The following OSBP2 variants were observed in gnomAD, a reference collection of about 807,000 sequenced individuals.
OSBP2 encodes oxysterol binding protein 2, also known as oxysterol-binding protein 2.
A neutral mutation model predicts 96.0 loss-of-function variants in OSBP2; 66 were observed. That is an observed-to-expected ratio of 0.69 (90% CI 0.56 to 0.84). OSBP2 has a LOEUF of 0.84. Ranked by LOEUF, OSBP2 falls within the 40% of genes least tolerant of loss-of-function variation. OSBP2 has a pLI of 0.00. For synonymous variants in OSBP2, 525 were observed against 520.9 expected (o/e 1.01, Z -0.11); for missense variants, 1,038 against 1,222.7 (o/e 0.85, Z 2.25).
At chr22:30,878,868 GGGGGACACTCCACTT>G (rs1482944661) in intron 3 of OSBP2, among the ~76,000 whole-genome samples, 1 of 152,092 alleles carries the variant, frequency 6.6e-6, no homozygotes, top group East Asian at 1.9e-4. Context: ...GAGTCGGCTC[GGGGGACACTCCACTT>G]GGGGACACTC....
In OSBP2 at chr22:30,906,662, C is replaced by T. The variant is rs982598064; in HGVS notation, c.*323C>T. 3.9e-6 allele frequency: 1 copy of T among 256,060 alleles called. No individual in the cohort carries two copies. The highest frequency in any genetic ancestry group is 7.2e-5 in the East Asian group (1 of 13,890). 15.9% of individuals were successfully genotyped at this position (256,060 alleles called of 1,614,324 possible). On this transcript the variant is annotated 3_prime_UTR_variant, in exon 14 of 14. Coordinates refer to ENST00000332585, the MANE Select transcript of OSBP2 (RefSeq NM_030758.4). ...GCCATGGGCTGCGCAAATCACCAGCCCCCAACCCAGGGAGGAACTGGCCCC... is the reference window on the plus strand; with the variant it reads ...GCCATGGGCTGCGCAAATCACCAGCTCCCAACCCAGGGAGGAACTGGCCCC...
chr22:30,702,242 G>A (rs1280118550), intron 1 of OSBP2, among the ~76,000 whole-genome samples: 2 of 152,200 alleles, frequency 1.3e-5, no homozygotes, highest in Non-Finnish European at 2.9e-5. Context: ...GTCCTGGACA[G>A]TGCATCCCTG....
At position 30,870,783 on chromosome 22, in the gene OSBP2, T is replaced by C. The variant is rs920900783; in HGVS notation, c.1107+101T>C. On this transcript the variant is annotated intron_variant, in intron 3 of 13. Transcript: ENST00000332585. This position sits in a 1 kb window ranked among gnomAD's most constrained non-coding sequence, Gnocchi z 4.1. ...GTCAGCTTGAAGGGTCAGCGTTCCA[T>C]TTCCTGCGGTTCCACGGTGTTTCCC... The C allele has an allele frequency of 8.0e-7, 1 of 1,252,994 alleles. No homozygotes were observed. The highest frequency in any genetic ancestry group is 1.1e-6 in the Non-Finnish European group (1 of 899,184). 77.6% of individuals were successfully genotyped at this position (1,252,994 alleles called of 1,614,324 possible).
At chr22:30,846,450 C>G (rs1419997093) in intron 2 of OSBP2, among the ~76,000 whole-genome samples, 4 of 152,110 alleles carry the variant, frequency 2.6e-5, no homozygotes, top group Non-Finnish European at 5.9e-5. Context: ...CGCACCCAGC[C>G]TGATTGTACT....
chr22:30,740,390 G>T (rs1195391246), intron 1 of OSBP2, among the ~76,000 whole-genome samples: 1 of 152,154 alleles, frequency 6.6e-6, no homozygotes, highest in African/African-American at 2.4e-5. Context: ...TTTAGGGAGG[G>T]TCAGAATCTT....
At chr22:30,894,348 G>C (rs992010780) in intron 12 of OSBP2, 1 of 226,974 alleles carries the variant, frequency 4.4e-6, no homozygotes, top group Non-Finnish European at 8.7e-6. Flanking sequence ...ATTCGACAAA[G>C]GGAAAAAAAA....
chr22:30,886,912 T>C (rs2039822170), intron 3 of OSBP2, among the ~76,000 whole-genome samples: 1 of 152,190 alleles, frequency 6.6e-6, no homozygotes, highest in Non-Finnish European at 1.5e-5. Flanking sequence ...AAGGCGAGTC[T>C]GCTGTGCAAA....
rs2091067996 is a variant in OSBP2, at chr22:30,815,220, T to C, written c.854-55209T>C. Among the ~76,000 whole-genome samples, 2 of 152,218 alleles carry C rather than the reference T, an allele frequency of 1.3e-5. 1 individual carries two copies. The highest frequency in any genetic ancestry group is 4.1e-4 in the South Asian group (2 of 4,836). ...ACGGCTTGAGCCCAGGAGGCAGATA[T>C]TGCAGTGAGCTATGATCATGCCGCT... On this transcript the variant is annotated intron_variant, in intron 2 of 13. Transcript: ENST00000332585.
chr22:30,707,186 T>C (rs1286620405), intron 1 of OSBP2, among the ~76,000 whole-genome samples: 1 of 151,928 alleles, frequency 6.6e-6, no homozygotes, highest in Non-Finnish European at 1.5e-5. Context: ...AACCTCCGCC[T>C]CCCGTGTTCA....
intron 2 of OSBP2, among the ~76,000 whole-genome samples, chr22:30,808,680 C>T (rs1331886626): frequency 6.6e-6 from 1 of 152,076 alleles, no homozygotes; most frequent in Non-Finnish European, 1.5e-5. Flanking sequence ...TTATGCCGGG[C>T]GTGGTGGCTG....
In OSBP2 at chr22:30,906,592, C is replaced by T. The variant is rs1003599572; in HGVS notation, c.*253C>T. ...CCTTCATTATGGACCTGGGCCCTAC[C>T]GGAACCCCTGCCCCAGTTACCACAA... On this transcript the variant is annotated 3_prime_UTR_variant, in exon 14 of 14. Coordinates refer to ENST00000332585, the MANE Select transcript of OSBP2 (RefSeq NM_030758.4). The T allele has an allele frequency of 3.8e-5, 14 of 369,324 alleles. No homozygotes were observed. Among genetic ancestry groups the T allele is most frequent in the Non-Finnish European group, 6.2e-5 (13 of 208,966 alleles). 22.9% of individuals were successfully genotyped at this position (369,324 alleles called of 1,614,324 possible).
chr22:30,760,541 G>A (rs1236868623), intron 2 of OSBP2, among the ~76,000 whole-genome samples: 1 of 152,034 alleles, frequency 6.6e-6, no homozygotes, highest in African/African-American at 2.4e-5. Flanking sequence ...TGGGGCTGGG[G>A]GCAGTGGCTC....
intron 3 of OSBP2, among the ~76,000 whole-genome samples, chr22:30,876,370 T>A (rs2039578372): frequency 6.6e-6 from 1 of 152,206 alleles, no homozygotes; most frequent in African/African-American, 2.4e-5. Context: ...ACTTGGTCAT[T>A]GGGCAAGGCT....
intron 2 of OSBP2, among the ~76,000 whole-genome samples, chr22:30,776,017 AACTCC>A (rs1462511817): frequency 6.6e-6 from 1 of 151,604 alleles, no homozygotes; most frequent in Non-Finnish European, 1.5e-5. Context: ...GCTGGTCTTG[AACTCC>A]TGGCCTCTAG....
intron 1 of OSBP2, 100 bp from the exon 2 acceptor site, chr22:30,741,061 C>G: frequency 1.1e-6 from 1 of 935,106 alleles, no homozygotes; most frequent in Non-Finnish European, 1.6e-6. Context: ...TCTCCCAGCT[C>G]TGAGGGTCTG....
In OSBP2 at chr22:30,832,626, G is replaced by A. The variant is rs2038549128; in HGVS notation, c.854-37803G>A. Among the ~76,000 whole-genome samples the A allele has an allele frequency of 2.6e-5, 4 of 152,128 alleles. No homozygotes were observed. In the South Asian group the frequency reaches 8.3e-4, roughly 32 times the overall value. On this transcript the variant is annotated intron_variant, in intron 2 of 13. Transcript: ENST00000332585. ...TGGCTGCAGATAGCCGCTCACAGTT[G>A]GAATCATTGTTTGGACTCATTCTTA...
chr22:30,698,275 G>A (rs1358344402), intron 1 of OSBP2, among the ~76,000 whole-genome samples: 6 of 152,034 alleles, frequency 3.9e-5, no homozygotes, highest in Non-Finnish European at 7.4e-5. Flanking sequence ...CTTGTGAGTT[G>A]GAAATAAAGT....
intron 2 of OSBP2, chr22:30,822,502 G>T (rs1286811618): frequency 4.4e-6 from 5 of 1,132,852 alleles, no homozygotes; most frequent in African/African-American, 2.0e-5. Flanking sequence ...TGGTAACGCG[G>T]CGCCGGGACC....
In OSBP2 at chr22:30,791,388, G is replaced by A. The variant is rs1477749040; in HGVS notation, c.853+50019G>A. ...GTCATCCAGGCTGGAGTGCAGTTGT[G>A]TGATCTCGGCTCACTGCAACCTCCA... On this transcript the variant is annotated intron_variant, in intron 2 of 13. Transcript: ENST00000332585. 6.9e-5 allele frequency among the ~76,000 whole-genome samples: 9 copies of A among 129,510 alleles called. No individual in the cohort carries two copies. In the Admixed American group the frequency reaches 8.3e-4, roughly 12 times the overall value. The allele number at this position is 129,510 out of a possible 152,430, so 85.0% of individuals were successfully genotyped here.
Sources: allele counts gnomAD v4.1 joint callset (sites outside exome capture counted in the v4.1 genomes callset), GRCh38; gene constraint gnomAD v4.1.1; non-coding constraint Gnocchi (gnomAD v3.1); transcripts MANE v1.5; gene names NCBI Gene and HGNC (gene_info 2026-07-23, HGNC 2026-07-21).